Variants in RNF167 observed in about 807,000 individuals in gnomAD.
The protein encoded by RNF167 is E3 ubiquitin-protein ligase RNF167.
In RNF167, 19 loss-of-function variants were observed where a neutral mutation model predicts 34.8. That is an observed-to-expected ratio of 0.55 (90% confidence interval 0.38 to 0.80). The LOEUF (loss-of-function observed/expected upper bound fraction) is 0.80, where lower values mean the gene tolerates loss of function less well. Ranked by LOEUF, RNF167 falls within the 30% of genes least tolerant of loss-of-function variation. RNF167 has a pLI of 0.00. For missense variants in RNF167, 464 were observed against 447.0 expected (o/e 1.04, Z -0.34); for synonymous variants, 200 against 170.4 (o/e 1.17, Z -1.35).
chr17:4,940,197 G>A (rs1454363278), upstream of RNF167: 4 of 339,142 alleles, frequency 1.2e-5, no homozygotes, highest in African/African-American at 8.7e-5. Context: ...CGGGAAAATA[G>A]AGAAGAGTTT....
In RNF167 at chr17:4,945,191, T is replaced by G; in HGVS notation, c.*175T>G. ...GCAGAGGGACTGGGTCTTCACTTCT[T>G]GGGCTAATAAAATTGTTTCTTTGTG... On this transcript the variant is annotated 3_prime_UTR_variant, in exon 10 of 10. Coordinates refer to ENST00000262482, the MANE Select transcript of RNF167 (RefSeq NM_015528.3). 1.8e-6 allele frequency: 1 copy of G among 543,404 alleles called. No homozygotes were observed. Among genetic ancestry groups the G allele is most frequent in the Non-Finnish European group, 3.2e-6 (1 of 316,308 alleles). The allele number at this position is 543,404 out of a possible 1,614,324, so 33.7% of individuals were successfully genotyped here.
chr17:4,941,489 C>T (rs1250126672), intron 3 of RNF167, among the ~76,000 whole-genome samples: 2 of 152,188 alleles, frequency 1.3e-5, no homozygotes. Context: ...GCAAGTTAAT[C>T]TCTCTGAGCC....
rs749941210 is a variant in RNF167, at chr17:4,941,135, C to T, written c.143C>T (p.Thr48Ile). ...GACCTTCCAGCTCTGTTTGGGGCTA[C>T]CTTGAGCCAGGAGGGCCTCCAGGTG... ...FADLPALFGA[T>I]LSQEGLQGFL... Residue 48 changes from threonine to isoleucine, a missense_variant, in exon 3 of 10, where the codon ACC becomes ATC. Coordinates refer to ENST00000262482, the MANE Select transcript of RNF167 (RefSeq NM_015528.3). 12 of 1,614,188 alleles carry T rather than the reference C, an allele frequency of 7.4e-6. No individual in the cohort carries two copies. Among genetic ancestry groups the T allele is most frequent in the Admixed American group, 3.3e-5 (2 of 60,028 alleles).
chr17:4,942,338 C>T lies in RNF167; in HGVS notation c.166-3C>T. 1 of 1,613,590 alleles carries T rather than the reference C, an allele frequency of 6.2e-7. No individual in the cohort carries two copies. The highest frequency in any genetic ancestry group is 8.5e-7 in the Non-Finnish European group (1 of 1,179,982). ...CTCACTGTTGTTTGCTTCCATCCTT[C>T]AGGGGTTCCTTGTGGAGGCTCACCC... is the stretch of plus-strand genomic sequence containing the variant. On this transcript the variant is annotated splice_polypyrimidine_tract_variant and splice_region_variant and intron_variant, in intron 3 of 9. Transcript: ENST00000262482.
Position 4,945,101 on chromosome 17 carries a change from C to A in RNF167, c.*85C>A. The A allele has an allele frequency of 7.9e-7, 1 of 1,259,402 alleles. No individual in the cohort carries two copies. Among genetic ancestry groups the A allele is most frequent in the Non-Finnish European group, 1.1e-6 (1 of 920,248 alleles). 78.0% of individuals were successfully genotyped at this position (1,259,402 alleles called of 1,614,324 possible). ...GTCTTCTGAGGGATAGGGGACATTC[C>A]ATCCCAAGCTTCTCCCTTACCCACA... On this transcript the variant is annotated 3_prime_UTR_variant, in exon 10 of 10. Coordinates refer to ENST00000262482, the MANE Select transcript of RNF167 (RefSeq NM_015528.3).
intron 6 of RNF167, 56 bp from the exon 7 acceptor site, chr17:4,943,123 C>CT: frequency 1.3e-6 from 2 of 1,512,288 alleles, no homozygotes; most frequent in Middle Eastern, 1.9e-4. Flanking sequence ...CTTTGTCCCT[C>CT]TTTTTTTCTC....
intron 4 of RNF167, 39 bp downstream of exon 4, chr17:4,942,505 A>G (rs1049538058): frequency 6.4e-7 from 1 of 1,556,972 alleles, no homozygotes; most frequent in East Asian, 2.3e-5. Context: ...AGCTGAGGGT[A>G]AAAAAAAGGC....
rs1043928756 is a variant in RNF167 at position 4,945,133 on chromosome 17, C to T, written c.*117C>T. The T allele has an allele frequency of 8.5e-6, 8 of 944,498 alleles. No individual in the cohort carries two copies. The East Asian group carries it at 1.9e-4, about 23-fold the overall frequency. The allele number at this position is 944,498 out of a possible 1,614,324, so 58.5% of individuals were successfully genotyped here. Reference sequence around the variant, plus strand: ...AGCTTCTCCCTTACCCACACCTATCCTTTTGAGGGGCTTTGGGGTGGAGCT... The same window carrying T: ...AGCTTCTCCCTTACCCACACCTATCTTTTTGAGGGGCTTTGGGGTGGAGCT... On this transcript the variant is annotated 3_prime_UTR_variant, in exon 10 of 10. Coordinates refer to ENST00000262482, the MANE Select transcript of RNF167 (RefSeq NM_015528.3).
chr17:4,943,375 AT>A, intron 7 of RNF167, 50 bp from the exon 8 acceptor site: 1 of 1,589,528 alleles, frequency 6.3e-7, no homozygotes, highest in African/African-American at 1.3e-5. Flanking sequence ...CTTGTCCTAG[AT>A]TGTCTAGTTT....
At chr17:4,941,216 TC>T (rs1970770047) in intron 3 of RNF167, 59 bp downstream of exon 3, 7 of 1,511,210 alleles carry the variant, frequency 4.6e-6, no homozygotes, top group Admixed American at 1.8e-5. Context: ...CTGTCTTTTT[TC>T]TTTTTTTAGT....
Position 4,943,475 on chromosome 17 carries a change from C to A in RNF167, c.626C>A (p.Thr209Asn), listed in dbSNP as rs149365494. 6.2e-7 allele frequency: 1 copy of A among 1,613,972 alleles called. No individual in the cohort carries two copies. The highest frequency in any genetic ancestry group is 1.3e-5 in the African/African-American group (1 of 75,030). Residue 209 changes from threonine to asparagine, a missense_variant, in exon 8 of 10, where the codon ACC becomes AAC. By Grantham distance (65) the Thr-to-Asn change is moderately conservative. Coordinates refer to ENST00000262482, the MANE Select transcript of RNF167 (RefSeq NM_015528.3). ...HRKRLQRNRL[T>N]KEQLKQIPTH... ...AAACGGCTCCAGCGGAATCGACTTA[C>A]CAAAGAGCAACTGAAACAGATTCCT...
In RNF167 at chr17:4,942,366, A is replaced by C; in HGVS notation, c.191A>C (p.Asp64Ala). The change falls in exon 4 of 10, where the codon GAC becomes GCC. Residue 64 changes from aspartate (D) to alanine (A), a missense_variant. Asp to Ala is a moderately radical substitution (Grantham distance 126). Transcript: ENST00000262482. ...GGGTTCCTTGTGGAGGCTCACCCAG[A>C]CAATGCCTGCAGCCCCATTGCCCCA... The part of the protein sequence containing the change: ...LQGFLVEAHP[D>A]NACSPIAPPP... 3 of 1,614,086 alleles carry C rather than the reference A, an allele frequency of 1.9e-6. No homozygotes were observed. Among genetic ancestry groups the C allele is most frequent in the Non-Finnish European group, 1.7e-6 (2 of 1,180,022 alleles).
At position 4,943,289 on chromosome 17, in the gene RNF167, G is replaced by A. The variant is rs755197754; in HGVS notation, c.576+5G>A. On this transcript the variant is annotated splice_donor_5th_base_variant and intron_variant, in intron 7 of 9. Transcript: ENST00000262482. ...TTGGCCATGGGAGCAGTAATGGTGA[G>A]TAGCTGAGGGAACATGATGGGAAGC... 1.2e-6 allele frequency: 2 copies of A among 1,612,358 alleles called. No homozygotes were observed. Among genetic ancestry groups the A allele is most frequent in the South Asian group, 1.1e-5 (1 of 90,976 alleles).
At chr17:4,941,033 A>G (rs760298093) in intron 2 of RNF167, 40 bp downstream of exon 2, 1 of 1,613,718 alleles carries the variant, frequency 6.2e-7, no homozygotes, top group Non-Finnish European at 8.5e-7. Flanking sequence ...CGCTGAAAGG[A>G]AGGGTTGCAG....
chr17:4,940,998 G>A lies in RNF167; in HGVS notation c.84+5G>A. On this transcript the variant is annotated splice_donor_5th_base_variant and intron_variant, in intron 2 of 9. Transcript: ENST00000262482. ...ACCCGGGGGCTCATTCGAGCGGTGAGTCTGAGGGACGGATGGGGAAAGGGC... is the reference window on the plus strand; with the variant it reads ...ACCCGGGGGCTCATTCGAGCGGTGAATCTGAGGGACGGATGGGGAAAGGGC... 5.6e-6 allele frequency: 9 copies of A among 1,613,196 alleles called. No homozygotes were observed. Among genetic ancestry groups the A allele is most frequent in the Non-Finnish European group, 7.6e-6 (9 of 1,179,282 alleles).
chr17:4,944,501 T>G, intron 8 of RNF167, 57 bp from the exon 9 acceptor site: 1 of 1,524,190 alleles, frequency 6.6e-7, no homozygotes, highest in Non-Finnish European at 8.8e-7. Flanking sequence ...TTTAAAAGCC[T>G]TAGCCCTGGG....
At chr17:4,943,996 A>T (rs904653924) in intron 8 of RNF167, among the ~76,000 whole-genome samples, 10 of 152,226 alleles carry the variant, frequency 6.6e-5, no homozygotes, top group Non-Finnish European at 1.5e-4. Context: ...TTTCTCAAAA[A>T]AATAATAATA....
rs1971185058 is a variant in RNF167, at chr17:4,944,542, T to C, written c.671-16T>C. The C allele has an allele frequency of 5.1e-6, 8 of 1,561,644 alleles. No individual in the cohort carries two copies. Among genetic ancestry groups the C allele is most frequent in the African/African-American group, 1.4e-5 (1 of 73,374 alleles). ...GTGGCTCAGTGAAGGACTAGATTAT[T>C]TTCTTTCTGTCCCAGGAGACCAGTA... On this transcript the variant is annotated splice_polypyrimidine_tract_variant and intron_variant, in intron 8 of 9. Transcript: ENST00000262482.
chr17:4,943,800 C>T (rs1971086288), intron 8 of RNF167, among the ~76,000 whole-genome samples: 1 of 152,130 alleles, frequency 6.6e-6, no homozygotes, highest in East Asian at 1.9e-4. Context: ...TTCAGGCCAG[C>T]CTGGGCAATG....
Sources: allele counts gnomAD v4.1 joint callset (sites outside exome capture counted in the v4.1 genomes callset), GRCh38; gene constraint gnomAD v4.1.1; transcripts MANE v1.5; gene names NCBI Gene and HGNC (gene_info 2026-07-23, HGNC 2026-07-21).